HUNK: variants seen among roughly 807,000 people sequenced by gnomAD.
HUNK encodes the protein hormonally up-regulated Neu-associated kinase.
A neutral mutation model predicts 61.0 loss-of-function variants in HUNK; 21 were observed. The observed-to-expected ratio is 0.34, with a 90% CI of 0.24 to 0.50. The LOEUF (loss-of-function observed/expected upper bound fraction) is 0.50. HUNK is among the 20% of genes least tolerant of loss of function. The pLI is 0.98. For synonymous variants in HUNK, 371 were observed against 386.1 expected, an observed-to-expected ratio of 0.96 and a Z score of 0.46; for missense variants, 772 against 945.7, an observed-to-expected ratio of 0.82 and a Z score of 2.41.
chr21:31,972,904 C>T (rs1252892999), intron 6 of HUNK, among the ~76,000 whole-genome samples: 2 of 152,022 alleles, frequency 1.3e-5, no homozygotes. Context: ...CAGGAGACCT[C>T]GTTCTGCTCT....
In HUNK at chr21:31,999,633, C is replaced by T. The variant is rs1037296563; in HGVS notation, c.*449C>T. The stretch of plus-strand genomic sequence containing the variant: ...ATTCATCCAGGCCACGTTTCCTCTG[C>T]GGAGTGTAGCAGCCCTGCCTTTCAT... On this transcript the variant is annotated 3_prime_UTR_variant, in exon 11 of 11. Transcript: ENST00000270112. 41 of 165,486 alleles carry T rather than the reference C, an allele frequency of 2.5e-4. No homozygotes were observed. Among genetic ancestry groups the T allele is most frequent in the African/African-American group, 8.1e-4 (34 of 41,952 alleles). The allele number at this position is 165,486 out of a possible 1,614,324, so 10.3% of individuals were successfully genotyped here. A position where few individuals can be genotyped will look rare whatever the true frequency, so the allele number is the denominator to read the frequency against.
chr21:31,922,848 G>A (rs1279248353), intron 1 of HUNK, among the ~76,000 whole-genome samples: 1 of 152,150 alleles, frequency 6.6e-6, no homozygotes, highest in African/African-American at 2.4e-5. Context: ...TGCATATTGA[G>A]TGCGTTGTGA....
In HUNK at chr21:31,873,559, AGGCGG is replaced by A. The variant is rs962400145; in HGVS notation, c.-112_-108del. On this transcript the variant is annotated 5_prime_UTR_variant, in exon 1 of 11. Coordinates refer to ENST00000270112, the MANE Select transcript of HUNK (RefSeq NM_014586.2). This position sits in a 1 kb window ranked among gnomAD's most constrained non-coding sequence, Gnocchi z 6.1. ...CCCCGGGCTCTGGGTGCGGAGACCC[AGGCGG>A]GGCTGGGCCCAGGGCGGCGGCGGGA... 13 of 828,364 alleles carry A rather than the reference AGGCGG, an allele frequency of 1.6e-5. No individual in the cohort carries two copies. The highest frequency in any genetic ancestry group is 1.7e-5 in the Non-Finnish European group (12 of 686,898). 51.3% of individuals were successfully genotyped at this position (828,364 alleles called of 1,614,324 possible).
chr21:31,996,722 G>A (rs966643490), intron 10 of HUNK, among the ~76,000 whole-genome samples: 2 of 152,158 alleles, frequency 1.3e-5, no homozygotes, highest in African/African-American at 4.8e-5. Flanking sequence ...CCTAAAATAT[G>A]AAAGACCAGG....
intron 1 of HUNK, among the ~76,000 whole-genome samples, chr21:31,875,917 A>C (rs1398357953): frequency 6.6e-6 from 1 of 152,106 alleles, no homozygotes; most frequent in Non-Finnish European, 1.5e-5. Flanking sequence ...GCATTTTTGC[A>C]CCATAAAACT....
intron 1 of HUNK, among the ~76,000 whole-genome samples, chr21:31,892,160 A>AT (rs1294310296): frequency 0.041 from 4,457 of 109,770 alleles, 110 homozygotes; most frequent in Middle Eastern, 0.074. Context: ...AAAAAAAAAA[A>AT]AAATATATAT....
At chr21:31,948,686 A>C (rs559369258) in intron 4 of HUNK, among the ~76,000 whole-genome samples, 3 of 152,258 alleles carry the variant, frequency 2.0e-5, no homozygotes, top group South Asian at 4.1e-4. Context: ...GAGAAAAGGG[A>C]AAGAGGGACA....
chr21:32,003,222 C>T lies in HUNK; in HGVS notation c.*4038C>T, dbSNP rs917511009. Reference sequence around the variant, plus strand: ...GGACTAGGTCTTGCATTTTTAAGTCCTTTTCAAAACTGTGCAGCTTCCTGA... The same window carrying T: ...GGACTAGGTCTTGCATTTTTAAGTCTTTTTCAAAACTGTGCAGCTTCCTGA... On this transcript the variant is annotated 3_prime_UTR_variant, in exon 11 of 11. Coordinates refer to ENST00000270112, the MANE Select transcript of HUNK (RefSeq NM_014586.2). The T allele has an allele frequency of 2.6e-5, 4 of 152,190 alleles. No individual in the cohort carries two copies. The highest frequency in any genetic ancestry group is 9.7e-5 in the African/African-American group (4 of 41,446). 9.4% of individuals were successfully genotyped at this position (152,190 alleles called of 1,614,324 possible). A position where few individuals can be genotyped will look rare whatever the true frequency, so the allele number is the denominator to read the frequency against.
intron 5 of HUNK, among the ~76,000 whole-genome samples, chr21:31,966,033 A>G (rs2052963927): frequency 1.3e-5 from 2 of 152,132 alleles, no homozygotes; most frequent in African/African-American, 2.4e-5. Context: ...ACTGTACCCA[A>G]TGTGTAGTCT....
chr21:31,945,124 T>C (rs1328343518), intron 3 of HUNK, among the ~76,000 whole-genome samples: 1 of 152,182 alleles, frequency 6.6e-6, no homozygotes, highest in Non-Finnish European at 1.5e-5. Flanking sequence ...TTGTGGGGGA[T>C]GGACCATAAT....
At chr21:31,970,595 C>T (rs1177953801) in intron 6 of HUNK, among the ~76,000 whole-genome samples, 1 of 152,158 alleles carries the variant, frequency 6.6e-6, no homozygotes, top group Non-Finnish European at 1.5e-5. Context: ...AAGGAGGGGG[C>T]CTTGCTGGTG....
At chr21:31,983,006 T>C (rs2053108513) in intron 7 of HUNK, among the ~76,000 whole-genome samples, 1 of 152,172 alleles carries the variant, frequency 6.6e-6, no homozygotes, top group South Asian at 2.1e-4. Flanking sequence ...TTTCGCCACG[T>C]TGGCCAGGCT....
intron 7 of HUNK, among the ~76,000 whole-genome samples, chr21:31,983,001 C>T: frequency 6.6e-6 from 1 of 152,084 alleles, no homozygotes; most frequent in East Asian, 1.9e-4. Context: ...CAGGGTTTCG[C>T]CACGTTGGCC....
intron 1 of HUNK, among the ~76,000 whole-genome samples, chr21:31,920,154 G>A (rs1391834277): frequency 6.6e-6 from 1 of 152,124 alleles, no homozygotes; most frequent in African/African-American, 2.4e-5. Flanking sequence ...CCTTCCTCCT[G>A]TGGCTGCCCC....
rs2052648926 is a variant in HUNK at position 31,924,796 on chromosome 21, G to A, written c.554+36G>A. 6.4e-7 allele frequency: 1 copy of A among 1,550,898 alleles called. No homozygotes were observed. Among genetic ancestry groups the A allele is most frequent in the Admixed American group, 1.9e-5 (1 of 53,178 alleles). ...GGCCACGCTGGTGATCGCTGACTGT[G>A]TGCTCCGTGGGTGGCACTGGGCTGT... On this transcript the variant is annotated intron_variant, in intron 2 of 10. Coordinates refer to ENST00000270112, the MANE Select transcript of HUNK (RefSeq NM_014586.2). This position sits in a 1 kb window ranked among gnomAD's most constrained non-coding sequence, Gnocchi z 5.1.
intron 4 of HUNK, among the ~76,000 whole-genome samples, chr21:31,947,157 A>G (rs2052810865): frequency 6.8e-6 from 1 of 147,780 alleles, no homozygotes; most frequent in Non-Finnish European, 1.5e-5. Context: ...GCGCCTGCGC[A>G]TTCCCACATC....
intron 9 of HUNK, among the ~76,000 whole-genome samples, chr21:31,995,103 G>C (rs913490431): frequency 6.9e-6 from 1 of 144,364 alleles, no homozygotes; most frequent in African/African-American, 2.6e-5. Flanking sequence ...AGGTTGCAGT[G>C]AGATATGATG....
At chr21:31,916,206 A>G (rs2052581747) in intron 1 of HUNK, among the ~76,000 whole-genome samples, 1 of 151,088 alleles carries the variant, frequency 6.6e-6, no homozygotes, top group South Asian at 2.1e-4. Flanking sequence ...ACCCACCACC[A>G]TACCCGGCTA....
At chr21:31,914,182 C>T (rs554484680) in intron 1 of HUNK, among the ~76,000 whole-genome samples, 3 of 151,712 alleles carry the variant, frequency 2.0e-5, no homozygotes, top group East Asian at 1.9e-4. Context: ...CCAAGGCGGG[C>T]GGATCACCTG....
Sources: gnomAD v4.1 joint callset for allele counts (sites outside exome capture counted in the v4.1 genomes callset) on GRCh38, gnomAD v4.1.1 for gene constraint, Gnocchi (gnomAD v3.1) non-coding constraint, MANE v1.5 for transcripts, NCBI Gene and HGNC (gene_info 2026-07-23, HGNC 2026-07-21) for gene names.